CNTNAP2: variants seen among roughly 807,000 people sequenced by gnomAD.
CNTNAP2 encodes the protein contactin-associated protein-like 2.
In CNTNAP2, 98 loss-of-function variants were observed where a neutral mutation model predicts 155.2. The observed-to-expected ratio is 0.63, with a 90% CI of 0.54 to 0.75. The LOEUF (loss-of-function observed/expected upper bound fraction) is 0.75, where lower values mean the gene tolerates loss of function less well. Ranked by LOEUF, CNTNAP2 falls within the 30% of genes least tolerant of loss-of-function variation. The pLI is 0.00. For synonymous variants in CNTNAP2, 651 were observed against 631.2 expected, an observed-to-expected ratio of 1.03 and a Z score of -0.47; for missense variants, 1,727 against 1,688.1, an observed-to-expected ratio of 1.02 and a Z score of -0.40.
At chr7:147,582,160 T>C (rs1800513638) in intron 12 of CNTNAP2, among the ~76,000 whole-genome samples, 2 of 152,256 alleles carry the variant, frequency 1.3e-5, no homozygotes, top group Middle Eastern at 6.8e-3. Flanking sequence ...TGTTGGAAAT[T>C]AGCTTAGTAT....
chr7:146,308,546 C>T (rs62503477), intron 1 of CNTNAP2, among the ~76,000 whole-genome samples: 6,601 of 151,564 alleles, frequency 0.044, 222 homozygotes, highest in Non-Finnish European at 0.068. Context: ...TATTGCGGCA[C>T]TATTCACAAT....
At position 148,117,374 on chromosome 7, in the gene CNTNAP2, G is replaced by T. The variant is rs141318008; in HGVS notation, c.2384-744G>T. Among the ~76,000 whole-genome samples the T allele has an allele frequency of 3.9e-5, 6 of 152,308 alleles. No individual in the cohort carries two copies. The East Asian group carries it at 9.6e-4, about 24-fold the overall frequency. ...GGCAACTCACCTCTGAGAGTTTGGC[G>T]CAGGAGAGGTGAGGAAACTGCCCTA... On this transcript the variant is annotated intron_variant, in intron 15 of 23. Coordinates refer to ENST00000361727, the MANE Select transcript of CNTNAP2 (RefSeq NM_014141.6).
rs141468164 is a variant in CNTNAP2, at chr7:146,553,203, A to C, written c.98-221068A>C. ...TACATGAATATATGAAATTATGACA[A>C]TATTTGAAATAATTCTAATTATATT... On this transcript the variant is annotated intron_variant, in intron 1 of 23. Transcript: ENST00000361727. 9.7e-4 allele frequency among the ~76,000 whole-genome samples: 148 copies of C among 152,256 alleles called. 1 individual carries two copies. The highest frequency in any genetic ancestry group is 1.9e-3 in the Admixed American group (29 of 15,274).
intron 13 of CNTNAP2, among the ~76,000 whole-genome samples, chr7:147,881,726 T>A (rs1799525644): frequency 6.6e-6 from 1 of 152,130 alleles, no homozygotes; most frequent in Non-Finnish European, 1.5e-5. Context: ...ATCCCAGCAC[T>A]TTGGGAGGCC....
chr7:146,322,690 C>G (rs58930487), intron 1 of CNTNAP2, among the ~76,000 whole-genome samples: 5,223 of 116,630 alleles, frequency 0.045, 364 homozygotes, highest in African/African-American at 0.16. Context: ...GTAGGTCTTC[C>G]CTCAATATTT....
chr7:146,131,112 A>G (rs1464918046), intron 1 of CNTNAP2, among the ~76,000 whole-genome samples: 1 of 152,218 alleles, frequency 6.6e-6, no homozygotes, highest in African/African-American at 2.4e-5. Context: ...AACATTTTTG[A>G]GAGTATAACT....
At chr7:147,630,387 C>T (rs753508938) in intron 12 of CNTNAP2, among the ~76,000 whole-genome samples, 3 of 146,854 alleles carry the variant, frequency 2.0e-5, no homozygotes, top group Non-Finnish European at 3.0e-5. Context: ...TGAATTCTAA[C>T]GGACATTCAA....
chr7:146,304,858 C>A (rs1800680501), intron 1 of CNTNAP2, among the ~76,000 whole-genome samples: 1 of 151,906 alleles, frequency 6.6e-6, no homozygotes, highest in Admixed American at 6.6e-5. Context: ...TAATATCCTG[C>A]AGTGTTTTCC....
chr7:147,492,432 T>A (rs1347880674), intron 11 of CNTNAP2, among the ~76,000 whole-genome samples: 2 of 152,356 alleles, frequency 1.3e-5, no homozygotes, highest in Middle Eastern at 3.4e-3. Context: ...GATACAGATA[T>A]GTTTAAATAT....
At chr7:146,240,733 A>G (rs894425408) in intron 1 of CNTNAP2, among the ~76,000 whole-genome samples, 1 of 152,226 alleles carries the variant, frequency 6.6e-6, no homozygotes, top group Admixed American at 6.6e-5. Context: ...GTTCATCTGT[A>G]AAATTTAGTG....
intron 13 of CNTNAP2, among the ~76,000 whole-genome samples, chr7:147,736,414 T>C (rs1796845558): frequency 6.6e-6 from 1 of 152,226 alleles, no homozygotes; most frequent in Non-Finnish European, 1.5e-5. Flanking sequence ...TGGGCTTCCC[T>C]TTGTGGGTAA....
intron 1 of CNTNAP2, among the ~76,000 whole-genome samples, chr7:146,263,146 G>C (rs906744508): frequency 2.0e-5 from 3 of 152,028 alleles, no homozygotes; most frequent in African/African-American, 7.3e-5. Flanking sequence ...GTGAAACCCT[G>C]TCTCTACCAA....
In CNTNAP2 at chr7:146,328,861, T is replaced by C. The variant is rs1047730507; in HGVS notation, c.97+211888T>C. 8.5e-5 allele frequency among the ~76,000 whole-genome samples: 13 copies of C among 152,348 alleles called. No homozygotes were observed. In the East Asian group the frequency reaches 1.5e-3, roughly 18 times the overall value. On this transcript the variant is annotated intron_variant, in intron 1 of 23. Transcript: ENST00000361727. ...GATTGATCCATGTTGTCACAAGTGGTATGATTTCCTTTTTTACTACCGAAT... is the reference window on the plus strand; with the variant it reads ...GATTGATCCATGTTGTCACAAGTGGCATGATTTCCTTTTTTACTACCGAAT...
chr7:147,172,789 T>C (rs1437869408), intron 8 of CNTNAP2, among the ~76,000 whole-genome samples: 1 of 152,168 alleles, frequency 6.6e-6, no homozygotes, highest in African/African-American at 2.4e-5. Context: ...TAATTTAATA[T>C]TGGACTCATA....
intron 20 of CNTNAP2, among the ~76,000 whole-genome samples, chr7:148,253,238 G>A (rs929938813): frequency 6.6e-5 from 10 of 151,918 alleles, no homozygotes; most frequent in Admixed American, 1.3e-4. Context: ...GGCTGGTGTC[G>A]TCTACCATTT....
At chr7:146,984,215 A>C (rs1798072349) in intron 3 of CNTNAP2, among the ~76,000 whole-genome samples, 1 of 151,846 alleles carries the variant, frequency 6.6e-6, no homozygotes, top group African/African-American at 2.4e-5. Context: ...TAAAAATACA[A>C]AATTAGTCGG....
In CNTNAP2 at chr7:148,407,226, G is replaced by A. The variant is rs959144661; in HGVS notation, c.3716-2165G>A. 5.9e-5 allele frequency among the ~76,000 whole-genome samples: 6 copies of A among 100,880 alleles called. No homozygotes were observed. The East Asian group carries it at 6.9e-4, about 12-fold the overall frequency. 66.2% of individuals were successfully genotyped at this position (100,880 alleles called of 152,430 possible). A position where few individuals can be genotyped will look rare whatever the true frequency, so the allele number is the denominator to read the frequency against. ...GGACTAATCTTATATCTGATGATAA[G>A]CCTAATAAATGAAAGATCTTTGCAT... On this transcript the variant is annotated intron_variant, in intron 22 of 23. Transcript: ENST00000361727.
intron 12 of CNTNAP2, among the ~76,000 whole-genome samples, chr7:147,575,113 G>A (rs9718903): frequency 0.35 from 19,030 of 54,424 alleles, 2,008 homozygotes; most frequent in African/African-American, 0.49. Flanking sequence ...GGAAATGTGT[G>A]TGTGTGTGTG....
intron 3 of CNTNAP2, among the ~76,000 whole-genome samples, chr7:146,913,030 A>G (rs1796318874): frequency 6.6e-6 from 1 of 152,144 alleles, no homozygotes; most frequent in Non-Finnish European, 1.5e-5. Flanking sequence ...TTTATTGGTT[A>G]ATGGAGTTTA....
Sources: allele counts gnomAD v4.1 joint callset (sites outside exome capture counted in the v4.1 genomes callset), GRCh38; gene constraint gnomAD v4.1.1; transcripts MANE v1.5; gene names NCBI Gene and HGNC (gene_info 2026-07-23, HGNC 2026-07-21).